The following EIF4G3 variants were observed in gnomAD, a reference collection of about 807,000 sequenced individuals.
EIF4G3 encodes eukaryotic translation initiation factor 4 gamma 3, also known as eIF-4-gamma 3.
A neutral mutation model predicts 186.4 loss-of-function variants in EIF4G3; 34 were observed. The observed-to-expected ratio is 0.18, with a 90% confidence interval of 0.14 to 0.24. The LOEUF is 0.24. Among genes scored for constraint, EIF4G3 ranks in the 10% least tolerant of loss-of-function variants. The pLI is 1.00. For missense variants in EIF4G3, 1,536 were observed against 1,948.5 expected (o/e 0.79, Z 3.99); for synonymous variants, 673 against 679.5 (o/e 0.99, Z 0.15).
intron 12 of EIF4G3, among the ~76,000 whole-genome samples, chr1:20,960,474 A>T (rs1333926915): frequency 6.6e-6 from 1 of 152,136 alleles, no homozygotes; most frequent in East Asian, 1.9e-4. Context: ...AATAAAAAAA[A>T]AATTCAGCTG....
At chr1:21,087,694 C>A (rs1478029291) in intron 3 of EIF4G3, among the ~76,000 whole-genome samples, 2 of 151,990 alleles carry the variant, frequency 1.3e-5, no homozygotes, top group African/African-American at 2.4e-5. Flanking sequence ...AGTGCAGTGG[C>A]ACGATCTCAG....
At chr1:20,890,260 G>A (rs1238847036) in intron 18 of EIF4G3, among the ~76,000 whole-genome samples, 1 of 150,640 alleles carries the variant, frequency 6.6e-6, no homozygotes, top group Non-Finnish European at 1.5e-5. Context: ...GGCATGAGCT[G>A]TAGAAAAGTT....
chr1:20,882,207 A>ACACACACG (rs2082587438), intron 19 of EIF4G3, among the ~76,000 whole-genome samples: 1 of 149,106 alleles, frequency 6.7e-6, no homozygotes, highest in Non-Finnish European at 1.5e-5. Context: ...ACACACACAC[A>ACACACACG]CACACACAAA....
chr1:20,908,432 G>A (rs551820691), intron 14 of EIF4G3, among the ~76,000 whole-genome samples: 1 of 152,126 alleles, frequency 6.6e-6, no homozygotes, highest in South Asian at 2.1e-4. Context: ...GAGATTCTCT[G>A]TCTTCTCTCT....
intron 2 of EIF4G3, among the ~76,000 whole-genome samples, chr1:21,110,821 C>G (rs879442700): frequency 2.0e-5 from 3 of 152,176 alleles, no homozygotes; most frequent in Non-Finnish European, 2.9e-5. Flanking sequence ...CCCACCTCAG[C>G]GTCCCAAAGT....
intron 2 of EIF4G3, among the ~76,000 whole-genome samples, chr1:21,168,412 A>T (rs10916946): frequency 0.78 from 112,123 of 144,644 alleles, 43,129 homozygotes; most frequent in Middle Eastern, 0.86. Context: ...TCAATTTTTT[A>T]AAAAAAAAAA....
intron 24 of EIF4G3, among the ~76,000 whole-genome samples, chr1:20,859,946 C>T (rs762663745): frequency 1.3e-5 from 2 of 152,208 alleles, no homozygotes; most frequent in Non-Finnish European, 2.9e-5. Flanking sequence ...TTCTGTCTCT[C>T]TTCTTTTTCT....
At chr1:20,920,665 T>A (rs1238228072) in intron 14 of EIF4G3, among the ~76,000 whole-genome samples, 2 of 152,196 alleles carry the variant, frequency 1.3e-5, no homozygotes, top group African/African-American at 2.4e-5. Context: ...TAGACTTTCT[T>A]ACTGATCAGA....
chr1:21,013,612 G>A (rs2087881224), intron 4 of EIF4G3, among the ~76,000 whole-genome samples: 2 of 152,130 alleles, frequency 1.3e-5, no homozygotes, highest in Admixed American at 6.5e-5. Context: ...GTGCTAGAGG[G>A]ACAAAAGACA....
At chr1:20,841,524 T>C (rs181500128) in intron 29 of EIF4G3, among the ~76,000 whole-genome samples, 3 of 152,360 alleles carry the variant, frequency 2.0e-5, no homozygotes, top group East Asian at 3.9e-4. Flanking sequence ...CAGAGGTTAC[T>C]GTGTCTGTGT....
At chr1:21,168,406 T>A (rs1432052969) in intron 2 of EIF4G3, among the ~76,000 whole-genome samples, 7 of 146,704 alleles carry the variant, frequency 4.8e-5, no homozygotes, top group African/African-American at 1.8e-4. Flanking sequence ...TCCGTCTCAA[T>A]TTTTTAAAAA....
intron 28 of EIF4G3, among the ~76,000 whole-genome samples, 196 bp downstream of exon 28, chr1:20,851,062 T>C (rs1476508622): frequency 6.6e-6 from 1 of 152,202 alleles, no homozygotes; most frequent in Non-Finnish European, 1.5e-5. Context: ...GGAGAAAATT[T>C]ACAAACTGTT....
chr1:21,070,311 A>T (rs1223561126), intron 3 of EIF4G3, among the ~76,000 whole-genome samples: 2 of 152,166 alleles, frequency 1.3e-5, no homozygotes, highest in Admixed American at 6.5e-5. Context: ...AAAAAAGAAA[A>T]AGTAGTGCCC....
intron 11 of EIF4G3, 67 bp downstream of exon 11, chr1:20,972,935 G>A (rs948486509): frequency 3.9e-6 from 5 of 1,294,140 alleles, no homozygotes; most frequent in African/African-American, 1.5e-5. Context: ...TAATGACTAC[G>A]TAAACTTATC....
chr1:20,891,616 C>CAAAAAAA (rs11343165), intron 18 of EIF4G3, among the ~76,000 whole-genome samples: 2 of 81,624 alleles, frequency 2.5e-5, no homozygotes, highest in African/African-American at 1.0e-4. Context: ...ACTAAAAATA[C>CAAAAAAA]AAAAAAAAAA....
chr1:21,161,747 C>A (rs2102955107), intron 2 of EIF4G3: 1 of 152,350 alleles, frequency 6.6e-6, no homozygotes, highest in Admixed American at 6.5e-5. Flanking sequence ...GCGGGTGGAT[C>A]ACCTGAGGTC....
chr1:20,843,496 G>T (rs554862496), intron 29 of EIF4G3, among the ~76,000 whole-genome samples: 206 of 151,974 alleles, frequency 1.4e-3, no homozygotes, highest in Admixed American at 2.4e-3. Flanking sequence ...CAGCCTGGGC[G>T]ACACGGTGAG....
chr1:20,935,736 G>C (rs762919432), intron 14 of EIF4G3, among the ~76,000 whole-genome samples: 11 of 152,206 alleles, frequency 7.2e-5, no homozygotes, highest in Non-Finnish European at 1.5e-4. Context: ...ATCAGGAAAA[G>C]TTCTCAAGGC....
chr1:20,935,995 T>C (rs904513897), intron 14 of EIF4G3, among the ~76,000 whole-genome samples: 1 of 152,170 alleles, frequency 6.6e-6, no homozygotes, highest in African/African-American at 2.4e-5. Flanking sequence ...ACTAAGTTAA[T>C]ACCCAATGAC....
Sources: allele counts gnomAD v4.1 joint callset (sites outside exome capture counted in the v4.1 genomes callset), GRCh38; gene constraint gnomAD v4.1.1; transcripts MANE v1.5; gene names NCBI Gene and HGNC (gene_info 2026-07-23, HGNC 2026-07-21).